Variants in SLC37A2 observed in about 807,000 individuals in gnomAD.
SLC37A2 encodes the protein glucose-6-phosphate exchanger SLC37A2.
SLC37A2 carries 59 observed loss-of-function variants against 70.7 expected under a neutral mutation model. The observed-to-expected ratio is 0.83, with a 90% CI of 0.68 to 1.04. The LOEUF is 1.04. SLC37A2 is among the 50% of genes least tolerant of loss of function. SLC37A2 has a pLI of 0.00. For synonymous variants in SLC37A2, 257 were observed against 262.1 expected, an observed-to-expected ratio of 0.98 and a Z score of 0.19; for missense variants, 580 against 658.1, an observed-to-expected ratio of 0.88 and a Z score of 1.30.
rs3802808 is a variant in SLC37A2 at position 125,088,226 on chromosome 11, A to G, written c.*92A>G. The G allele has an allele frequency of 0.76, 1,101,373 of 1,447,468 alleles. 420,498 individuals are homozygous for G. The highest frequency in any genetic ancestry group is 0.88 in the African/African-American group (62,423 of 70,632). The allele number at this position is 1,447,468 out of a possible 1,614,324, so 89.7% of individuals were successfully genotyped here. ...ACAATGGAAACTTCCACAAGCAGGG[A>G]AGGCAAACCCTCTTTATTGAACATT... is the stretch of plus-strand genomic sequence containing the variant. On this transcript the variant is annotated 3_prime_UTR_variant, in exon 18 of 18. Coordinates refer to ENST00000403796, the MANE Select transcript of SLC37A2 (RefSeq NM_001145290.2).
intron 1 of SLC37A2, among the ~76,000 whole-genome samples, chr11:125,074,093 C>T (rs776723484): frequency 6.6e-6 from 1 of 152,254 alleles, no homozygotes; most frequent in East Asian, 1.9e-4. Context: ...CCCACTGAGG[C>T]GGAGTTCCCC....
intron 1 of SLC37A2, among the ~76,000 whole-genome samples, chr11:125,069,515 C>T (rs765882969): frequency 2.0e-5 from 3 of 152,154 alleles, no homozygotes; most frequent in African/African-American, 7.2e-5. Context: ...CAGTGTCTAG[C>T]GTAGTTGGTA....
At chr11:125,076,167 G>T (rs1272332271) in intron 1 of SLC37A2, among the ~76,000 whole-genome samples, 7 of 152,086 alleles carry the variant, frequency 4.6e-5, no homozygotes, top group Admixed American at 2.6e-4. Context: ...GGAAAGAATG[G>T]GCTCTGTCCA....
At chr11:125,073,148 C>T (rs1235099292) in intron 1 of SLC37A2, among the ~76,000 whole-genome samples, 2 of 152,154 alleles carry the variant, frequency 1.3e-5, no homozygotes, top group African/African-American at 4.8e-5. Flanking sequence ...AATCTTGGAA[C>T]CTACCAGGTC....
At chr11:125,067,236 C>T (rs1948990307) in intron 1 of SLC37A2, among the ~76,000 whole-genome samples, 1 of 152,140 alleles carries the variant, frequency 6.6e-6, no homozygotes, top group Non-Finnish European at 1.5e-5. Flanking sequence ...ACCTCATCCT[C>T]CCACCTCATC....
rs1237812893 is a variant in SLC37A2, at chr11:125,085,121, T to C, written c.1230T>C (p.Thr410=). 2.3e-5 allele frequency: 37 copies of C among 1,613,838 alleles called. No homozygotes were observed. The highest frequency in any genetic ancestry group is 4.0e-5 in the African/African-American group (3 of 74,928). Residue 410 remains threonine (T), a synonymous_variant, in exon 14 of 18, where the codon ACT becomes ACC. Coordinates refer to ENST00000403796, the MANE Select transcript of SLC37A2 (RefSeq NM_001145290.2). ...ATGGCCCATACGCGCTCATCACCACTGCTGTCTCTGCTGATCTGGTGAGTG... is the reference window on the plus strand; with the variant it reads ...ATGGCCCATACGCGCTCATCACCACCGCTGTCTCTGCTGATCTGGTGAGTG... The part of the protein sequence containing the change: ...LVNGPYALIT[T]AVSADLGTHK...
chr11:125,084,196 T>C (rs372222317), intron 11 of SLC37A2, 38 bp from the exon 12 acceptor site: 2 of 1,610,770 alleles, frequency 1.2e-6, no homozygotes, highest in African/African-American at 1.3e-5. Context: ...GGCAGGGTCC[T>C]GTCTGGGAGT....
Position 125,079,112 on chromosome 11 carries a change from T to C in SLC37A2, c.315T>C (p.Ser105=). The part of the protein sequence containing the change: ...LIAYAIGMFI[S]GVFGERLPLR... The stretch of plus-strand genomic sequence containing the variant: ...GCAGATCCAACTTTCTCTTCCCCAG[T>C]GGGGTTTTTGGGGAGCGGCTTCCGC... Residue 105 remains serine, a splice_region_variant and synonymous_variant, in exon 5 of 18, where the codon AGT becomes AGC. Transcript: ENST00000403796. 6.2e-7 allele frequency: 1 copy of C among 1,614,086 alleles called. No homozygotes were observed. Among genetic ancestry groups the C allele is most frequent in the Non-Finnish European group, 8.5e-7 (1 of 1,179,976 alleles).
intron 3 of SLC37A2, 32 bp downstream of exon 3, chr11:125,077,355 C>A (rs747633958): frequency 1.3e-6 from 2 of 1,590,854 alleles, no homozygotes; most frequent in African/African-American, 2.7e-5. Context: ...CTTCCCATTC[C>A]CCATTCCCTC....
intron 2 of SLC37A2, 30 bp from the exon 3 acceptor site, chr11:125,077,200 C>A: frequency 1.3e-6 from 2 of 1,535,806 alleles, no homozygotes; most frequent in Non-Finnish European, 1.8e-6. Context: ...TGGGTCAACC[C>A]CTGACCTGTA....
chr11:125,084,797 ACT>A (rs773000659), intron 12 of SLC37A2, 26 bp from the exon 13 acceptor site: 20 of 1,611,396 alleles, frequency 1.2e-5, no homozygotes, highest in Admixed American at 6.7e-5. Flanking sequence ...ATTCCGGGTG[ACT>A]CTGCCTCTCC....
chr11:125,069,720 GCC>G (rs1285742983), intron 1 of SLC37A2, among the ~76,000 whole-genome samples: 1 of 152,220 alleles, frequency 6.6e-6, no homozygotes, highest in African/African-American at 2.4e-5. Context: ...AACAAAAGGT[GCC>G]CCTGGACAGG....
In SLC37A2 at chr11:125,083,951, G is replaced by A; in HGVS notation, c.1039+74G>A. On this transcript the variant is annotated intron_variant, in intron 11 of 17. Coordinates refer to ENST00000403796, the MANE Select transcript of SLC37A2 (RefSeq NM_001145290.2). This position sits in a 1 kb window ranked among gnomAD's most constrained non-coding sequence, Gnocchi z 4.6. ...TGTGGGGTGCAGGAAGAAGGGACAG[G>A]TCCGATGGGCTATGACCTGGGTAGG... The A allele has an allele frequency of 6.9e-7, 1 of 1,453,536 alleles. No homozygotes were observed. The highest frequency in any genetic ancestry group is 9.6e-7 in the Non-Finnish European group (1 of 1,036,902). The allele number at this position is 1,453,536 out of a possible 1,614,324, so 90.0% of individuals were successfully genotyped here.
At chr11:125,081,480 C>T in intron 8 of SLC37A2, 22 bp downstream of exon 8, 5 of 1,603,104 alleles carry the variant, frequency 3.1e-6, no homozygotes, top group Non-Finnish European at 4.3e-6. Context: ...CCCTCCCAGC[C>T]CTATCCCTGC....
At chr11:125,076,993 G>A (rs1304221636) in intron 2 of SLC37A2, among the ~76,000 whole-genome samples, 155 bp downstream of exon 2, 3 of 152,188 alleles carry the variant, frequency 2.0e-5, no homozygotes, top group South Asian at 2.1e-4. Context: ...TATTCCCCAA[G>A]ACAGCTGTGT....
intron 7 of SLC37A2, 39 bp from the exon 8 acceptor site, chr11:125,081,382 G>A (rs1018517647): frequency 3.1e-6 from 5 of 1,588,366 alleles, no homozygotes; most frequent in African/African-American, 1.3e-5. Context: ...GGGGGGGCGG[G>A]GGTTGGGAAA....
At chr11:125,081,640 C>T (rs1949151751) in intron 8 of SLC37A2, 114 bp from the exon 9 acceptor site, 15 of 1,438,156 alleles carry the variant, frequency 1.0e-5, no homozygotes, top group Middle Eastern at 2.4e-4. Flanking sequence ...CAGCCCGAGA[C>T]GAACGTGTGC....
At chr11:125,084,658 C>T (rs1057162010) in intron 12 of SLC37A2, among the ~76,000 whole-genome samples, 167 bp from the exon 13 acceptor site, 2 of 152,210 alleles carry the variant, frequency 1.3e-5, no homozygotes, top group African/African-American at 2.4e-5. Context: ...CGTTTTAGAC[C>T]GTCCATCCCT....
chr11:125,073,423 C>T (rs1462787850), intron 1 of SLC37A2, among the ~76,000 whole-genome samples: 4 of 152,214 alleles, frequency 2.6e-5, no homozygotes, highest in Admixed American at 2.0e-4. Context: ...CCGGAGCCTC[C>T]ACTTCCCAGA....
Sources: allele counts gnomAD v4.1 joint callset (sites outside exome capture counted in the v4.1 genomes callset), GRCh38; gene constraint gnomAD v4.1.1; non-coding constraint Gnocchi (gnomAD v3.1); transcripts MANE v1.5; gene names NCBI Gene and HGNC (gene_info 2026-07-23, HGNC 2026-07-21).